SPIDR: variants seen among roughly 807,000 people sequenced by gnomAD.
SPIDR encodes scaffold protein involved in DNA repair, also known as DNA repair-scaffolding protein.
In SPIDR, 93 loss-of-function variants were observed where a neutral mutation model predicts 104.6. That is an observed-to-expected ratio of 0.89 (90% confidence interval 0.75 to 1.06). The LOEUF is 1.06. Among genes scored for constraint, SPIDR ranks in the 50% least tolerant of loss-of-function variants. The pLI is 0.00. For synonymous variants in SPIDR, 431 were observed against 416.9 expected (o/e 1.03, Z -0.41); for missense variants, 1,154 against 1,111.2 (o/e 1.04, Z -0.55).
At chr8:47,549,776 C>G (rs905127663) in intron 8 of SPIDR, among the ~76,000 whole-genome samples, 5 of 152,058 alleles carry the variant, frequency 3.3e-5, no homozygotes, top group Admixed American at 2.6e-4. Context: ...TTAATTAGAC[C>G]CCATTTGTCA....
At chr8:47,338,557 AAGTT>A (rs1554611404) in intron 5 of SPIDR, among the ~76,000 whole-genome samples, 1 of 152,162 alleles carries the variant, frequency 6.6e-6, no homozygotes, top group Non-Finnish European at 1.5e-5. Context: ...TCTTGGGTGA[AAGTT>A]AGGAAATCAG....
chr8:47,547,404 C>G (rs2089605904), intron 8 of SPIDR: 1 of 290,018 alleles, frequency 3.4e-6, no homozygotes. Flanking sequence ...GCATGCAAAT[C>G]TTCTCTTTTT....
At chr8:47,431,587 G>A (rs2154339605) in intron 7 of SPIDR, among the ~76,000 whole-genome samples, 1 of 152,316 alleles carries the variant, frequency 6.6e-6, no homozygotes, top group Admixed American at 6.5e-5. Flanking sequence ...AGGCGGAGGT[G>A]CTCAGCTAGG....
chr8:47,412,482 C>A (rs1016186648), intron 7 of SPIDR, among the ~76,000 whole-genome samples: 1 of 152,126 alleles, frequency 6.6e-6, no homozygotes, highest in Non-Finnish European at 1.5e-5. Context: ...AAAAAGAATG[C>A]TTTCTTTCCA....
rs114844112 is a variant in SPIDR, at chr8:47,327,231, G to C, written c.525+33201G>C. On this transcript the variant is annotated intron_variant, in intron 5 of 19. Transcript: ENST00000297423. Reference sequence around the variant, plus strand: ...AGCACTGTTTCATGTGGTGGTTGGTGATCTGAATATCTTCTTGGAAAAAAT... The same window carrying C: ...AGCACTGTTTCATGTGGTGGTTGGTCATCTGAATATCTTCTTGGAAAAAAT... 2.6e-5 allele frequency among the ~76,000 whole-genome samples: 4 copies of C among 152,178 alleles called. No homozygotes were observed. In the East Asian group the frequency reaches 7.7e-4, roughly 29 times the overall value.
chr8:47,287,486 A>G (rs2039067709), intron 3 of SPIDR, among the ~76,000 whole-genome samples: 2 of 151,994 alleles, frequency 1.3e-5, no homozygotes, highest in Admixed American at 6.6e-5. Context: ...ACCAGGGTGT[A>G]TTTCAGTTCT....
intron 8 of SPIDR, among the ~76,000 whole-genome samples, chr8:47,500,684 T>A (rs1470519195): frequency 1.3e-5 from 2 of 152,238 alleles, no homozygotes; most frequent in Non-Finnish European, 1.5e-5. Flanking sequence ...TTGTTGCCAT[T>A]GCTTTTGGTG....
intron 8 of SPIDR, among the ~76,000 whole-genome samples, chr8:47,529,158 G>A (rs1185235506): frequency 6.6e-6 from 1 of 152,020 alleles, no homozygotes; most frequent in Non-Finnish European, 1.5e-5. Flanking sequence ...CCGGTGGCTC[G>A]GGCCTGTAAT....
chr8:47,316,538 G>A (rs1307725384), intron 5 of SPIDR, among the ~76,000 whole-genome samples: 2 of 152,308 alleles, frequency 1.3e-5, no homozygotes, highest in East Asian at 1.9e-4. Flanking sequence ...AAGGAACACT[G>A]TCTTGGTACA....
At chr8:47,286,093 T>A (rs1440217084) in intron 3 of SPIDR, among the ~76,000 whole-genome samples, 1 of 152,204 alleles carries the variant, frequency 6.6e-6, no homozygotes, top group Non-Finnish European at 1.5e-5. Context: ...AGGTTTTGAA[T>A]GACATAACTA....
intron 5 of SPIDR, among the ~76,000 whole-genome samples, chr8:47,337,077 A>G (rs747564372): frequency 2.0e-5 from 3 of 152,050 alleles, no homozygotes; most frequent in East Asian, 3.9e-4. Flanking sequence ...AGAAACGTCT[A>G]TTTAAATTCT....
At chr8:47,368,069 T>C (rs2057455929) in intron 5 of SPIDR, among the ~76,000 whole-genome samples, 1 of 152,016 alleles carries the variant, frequency 6.6e-6, no homozygotes, top group Admixed American at 6.5e-5. Context: ...TGGTGTCTGG[T>C]GAGGGCAGCT....
intron 5 of SPIDR, among the ~76,000 whole-genome samples, chr8:47,352,016 C>T (rs936750630): frequency 2.2e-4 from 34 of 152,186 alleles, no homozygotes; most frequent in Admixed American, 1.8e-3. Flanking sequence ...CAGTGGCTCA[C>T]GCCTGTAATC....
intron 10 of SPIDR, among the ~76,000 whole-genome samples, chr8:47,601,452 T>C (rs1467103153): frequency 1.3e-5 from 2 of 152,048 alleles, no homozygotes; most frequent in African/African-American, 2.4e-5. Context: ...TCCCAGCACT[T>C]TGGGAGGCCG....
intron 5 of SPIDR, among the ~76,000 whole-genome samples, chr8:47,315,254 T>TA (rs2045098737): frequency 6.6e-6 from 1 of 152,208 alleles, no homozygotes; most frequent in East Asian, 1.9e-4. Context: ...GCAACTAAAA[T>TA]AGAGTGTACA....
intron 10 of SPIDR, among the ~76,000 whole-genome samples, chr8:47,652,722 G>A (rs2071891957): frequency 6.6e-6 from 1 of 152,210 alleles, no homozygotes; most frequent in Non-Finnish European, 1.5e-5. Context: ...AGAAAGCCTT[G>A]TATGTATGCA....
chr8:47,530,249 C>G (rs2085727878), intron 8 of SPIDR, among the ~76,000 whole-genome samples: 2 of 152,178 alleles, frequency 1.3e-5, no homozygotes, highest in South Asian at 4.1e-4. Context: ...AGGCAGATAA[C>G]TTGAGGCCAG....
At chr8:47,658,851 G>A (rs1026412593) in intron 10 of SPIDR, among the ~76,000 whole-genome samples, 1 of 150,848 alleles carries the variant, frequency 6.6e-6, no homozygotes. Context: ...CAGGAGAATC[G>A]CTTGGACCGG....
chr8:47,650,490 A>G (rs1178303398), intron 10 of SPIDR, among the ~76,000 whole-genome samples: 3 of 152,194 alleles, frequency 2.0e-5, no homozygotes, highest in African/African-American at 4.8e-5. Flanking sequence ...GTCTCATCTC[A>G]TGGATTGGAA....
Sources: gnomAD v4.1 joint callset for allele counts (sites outside exome capture counted in the v4.1 genomes callset) on GRCh38, gnomAD v4.1.1 for gene constraint, MANE v1.5 for transcripts, NCBI Gene and HGNC (gene_info 2026-07-23, HGNC 2026-07-21) for gene names.